The following AIG1 variants were observed in gnomAD, a reference collection of about 807,000 sequenced individuals.
The protein encoded by AIG1 is androgen-induced gene 1 protein.
In AIG1, 23 loss-of-function variants were observed where a neutral mutation model predicts 31.4. The ratio of observed to expected loss-of-function variants is 0.73; its 90% CI spans 0.53 to 1.04. The LOEUF is 1.04. Among genes scored for constraint, AIG1 ranks in the 50% least tolerant of loss-of-function variants. The pLI, the probability that AIG1 is intolerant of heterozygous loss-of-function variation, is 0.00. For missense variants in AIG1, 274 were observed against 295.0 expected (o/e 0.93, Z 0.52); for synonymous variants, 100 against 110.5 (o/e 0.90, Z 0.60).
In AIG1 at chr6:143,299,324, C is replaced by G. The variant is rs956244116; in HGVS notation, c.515+15099C>G. On this transcript the variant is annotated intron_variant, in intron 4 of 5. Coordinates refer to ENST00000357847, the MANE Select transcript of AIG1 (RefSeq NM_016108.4). The surrounding 1 kb of genome is among the most constrained non-coding windows in gnomAD (Gnocchi z 4.1). ...TTAGGAATACTCTTCCAAGTCTCAG[C>G]TAGCAGAGTCGAGAAATAGCATGAC... 1 of 152,192 alleles carries G rather than the reference C, an allele frequency of 6.6e-6. No homozygotes were observed. The highest frequency in any genetic ancestry group is 2.4e-5 in the African/African-American group (1 of 41,446). 9.4% of individuals were successfully genotyped at this position (152,192 alleles called of 1,614,324 possible).
intron 3 of AIG1, among the ~76,000 whole-genome samples, chr6:143,241,546 A>G (rs886928818): frequency 1.3e-5 from 2 of 152,234 alleles, no homozygotes; most frequent in Non-Finnish European, 2.9e-5. Flanking sequence ...TTCACTTTGT[A>G]CTTCATTTTA....
chr6:143,264,183 A>G (rs1795998200), intron 3 of AIG1, among the ~76,000 whole-genome samples: 1 of 152,078 alleles, frequency 6.6e-6, no homozygotes, highest in Non-Finnish European at 1.5e-5. Context: ...TTGGGTATTT[A>G]TTAGCCTTTA....
intron 4 of AIG1, among the ~76,000 whole-genome samples, chr6:143,313,508 G>A (rs1373352389): frequency 3.9e-5 from 6 of 152,090 alleles, no homozygotes; most frequent in Admixed American, 2.0e-4. Context: ...TAGGAAAACA[G>A]TTGAACTTAT....
chr6:143,301,347 G>A (rs554349939), intron 4 of AIG1, among the ~76,000 whole-genome samples: 1 of 152,174 alleles, frequency 6.6e-6, no homozygotes, highest in Non-Finnish European at 1.5e-5. Context: ...TCACCACAAA[G>A]GCCATCAGGT....
chr6:143,081,156 G>A (rs747293055), intron 1 of AIG1, among the ~76,000 whole-genome samples: 3 of 152,180 alleles, frequency 2.0e-5, no homozygotes, highest in Non-Finnish European at 4.4e-5. Context: ...AGGCAACAGA[G>A]CAGGCCATGC....
chr6:143,060,838 G>GCCCGC, upstream of AIG1: 3 of 804,596 alleles, frequency 3.7e-6, no homozygotes, highest in Non-Finnish European at 4.4e-6. Flanking sequence ...CCCGCGCCCG[G>GCCCGC]GTTCCCACGG....
intron 4 of AIG1, among the ~76,000 whole-genome samples, chr6:143,314,196 AAAAAAAAAAAAAAAGTT>A (rs1298573773): frequency 7.6e-6 from 1 of 130,936 alleles, no homozygotes; most frequent in East Asian, 3.7e-4. Flanking sequence ...AAAAAAAAAA[AAAAAAAAAAAAAAAGTT>A]AAAGTAGCTG....
At chr6:143,126,152 C>T (rs17072251) in intron 1 of AIG1, 2 of 152,264 alleles carry the variant, frequency 1.3e-5, no homozygotes, top group South Asian at 2.1e-4. Flanking sequence ...CAGGCTAACC[C>T]GCTCCAAGGG....
At chr6:143,143,444 T>C (rs1189137302) in intron 2 of AIG1, among the ~76,000 whole-genome samples, 1 of 126,614 alleles carries the variant, frequency 7.9e-6, no homozygotes, top group African/African-American at 3.0e-5. Flanking sequence ...GAGCTTGCAG[T>C]GAGCCGAGAT....
At chr6:143,151,818 C>T (rs927585914) in intron 2 of AIG1, among the ~76,000 whole-genome samples, 7 of 152,154 alleles carry the variant, frequency 4.6e-5, no homozygotes, top group Non-Finnish European at 1.0e-4. Flanking sequence ...GAAGGGAAGC[C>T]GAATTCTGGG....
Position 143,291,772 on chromosome 6 carries a change from G to A in AIG1, c.515+7547G>A, listed in dbSNP as rs944400390. ...CAAGGAAAGCAGAAGGCCACTGTGT[G>A]TTGAAGCAGAGTGAGGGAGAGTGCA... On this transcript the variant is annotated intron_variant, in intron 4 of 5. Coordinates refer to ENST00000357847, the MANE Select transcript of AIG1 (RefSeq NM_016108.4). This position sits in a 1 kb window ranked among gnomAD's most constrained non-coding sequence, Gnocchi z 4.2. 2.0e-5 allele frequency among the ~76,000 whole-genome samples: 3 copies of A among 152,320 alleles called. No individual in the cohort carries two copies. Among genetic ancestry groups the A allele is most frequent in the East Asian group, 1.9e-4 (1 of 5,180 alleles).
At chr6:143,255,409 G>A (rs531817886) in intron 3 of AIG1, among the ~76,000 whole-genome samples, 1 of 152,270 alleles carries the variant, frequency 6.6e-6, no homozygotes, top group African/African-American at 2.4e-5. Flanking sequence ...CTGGCGGATG[G>A]TGTTTTCTCC....
intron 1 of AIG1, among the ~76,000 whole-genome samples, chr6:143,103,825 G>A (rs1780559069): frequency 6.6e-6 from 1 of 152,136 alleles, no homozygotes; most frequent in African/African-American, 2.4e-5. Context: ...TTCCTGATAA[G>A]TTCTAACACA....
At chr6:143,077,095 A>G (rs1203069209) in intron 1 of AIG1, among the ~76,000 whole-genome samples, 1 of 152,214 alleles carries the variant, frequency 6.6e-6, no homozygotes, top group African/African-American at 2.4e-5. Context: ...ACTTAGAGGG[A>G]ATAGTTTATC....
chr6:143,264,107 A>G (rs980747125), intron 3 of AIG1, among the ~76,000 whole-genome samples: 1 of 152,170 alleles, frequency 6.6e-6, no homozygotes, highest in Non-Finnish European at 1.5e-5. Context: ...TTGCTAATTT[A>G]ATATGTGTAA....
chr6:143,341,428 AAT>A (rs1233043794), downstream of AIG1, among the ~76,000 whole-genome samples: 5 of 152,226 alleles, frequency 3.3e-5, no homozygotes, highest in African/African-American at 1.2e-4. Context: ...AGTGCCTTAG[AAT>A]ATGACTGTTT....
intron 4 of AIG1, among the ~76,000 whole-genome samples, chr6:143,307,228 G>T (rs925885974): frequency 6.6e-6 from 1 of 152,214 alleles, no homozygotes; most frequent in Non-Finnish European, 1.5e-5. Flanking sequence ...ATCCAGCTTT[G>T]TTCTGTTGCT....
chr6:143,341,973 T>C (rs1294428221), downstream of AIG1, among the ~76,000 whole-genome samples: 1 of 152,236 alleles, frequency 6.6e-6, no homozygotes, highest in African/African-American at 2.4e-5. Flanking sequence ...TTTCCCAGGC[T>C]GGAGTGCAAT....
rs1451042760 is a variant in AIG1 at position 143,333,633 on chromosome 6, A to C, written c.679+188A>C. Among the ~76,000 whole-genome samples, 7 of 152,190 alleles carry C rather than the reference A, an allele frequency of 4.6e-5. No homozygotes were observed. The highest frequency in any genetic ancestry group is 4.6e-4 in the Admixed American group (7 of 15,280). ...CTGACAGTTACCTGAAAGTTTTACTAGTCACTTGGTCTTGTTAGCTAGTAA... is the reference window on the plus strand; with the variant it reads ...CTGACAGTTACCTGAAAGTTTTACTCGTCACTTGGTCTTGTTAGCTAGTAA... On this transcript the variant is annotated intron_variant, in intron 5 of 5. Coordinates refer to ENST00000357847, the MANE Select transcript of AIG1 (RefSeq NM_016108.4). This position sits in a 1 kb window ranked among gnomAD's most constrained non-coding sequence, Gnocchi z 4.6.
Sources: gnomAD v4.1 joint callset for allele counts (sites outside exome capture counted in the v4.1 genomes callset) on GRCh38, gnomAD v4.1.1 for gene constraint, Gnocchi (gnomAD v3.1) non-coding constraint, MANE v1.5 for transcripts, NCBI Gene and HGNC (gene_info 2026-07-23, HGNC 2026-07-21) for gene names.